The following CDIN1 variants were observed in gnomAD, a reference collection of about 807,000 sequenced individuals.
CDIN1 encodes the protein CDAN1 interacting nuclease 1.
Under a neutral mutation model 45.3 loss-of-function variants are expected in CDIN1, and 33 were observed. The observed-to-expected ratio is 0.73, with a 90% CI of 0.55 to 0.97. CDIN1 has a LOEUF of 0.97. CDIN1 is among the 50% of genes least tolerant of loss of function. The pLI is 0.00. For missense variants in CDIN1, 303 were observed against 339.4 expected, an observed-to-expected ratio of 0.89 and a Z score of 0.84; for synonymous variants, 118 against 124.4, an observed-to-expected ratio of 0.95 and a Z score of 0.34.
chr15:36,675,466 G>A (rs2140568518), intron 5 of CDIN1, among the ~76,000 whole-genome samples: 1 of 152,214 alleles, frequency 6.6e-6, no homozygotes, highest in South Asian at 2.1e-4. Context: ...TTGCTTCAGA[G>A]ACTAATTGCC....
chr15:36,728,677 A>T lies in CDIN1; in HGVS notation c.716+18716A>T, dbSNP rs191036775. 1.3e-3 allele frequency among the ~76,000 whole-genome samples: 197 copies of T among 150,994 alleles called. 1 individual carries two copies. The highest frequency in any genetic ancestry group is 3.5e-3 in the African/African-American group (144 of 41,146). ...AAATAAGCCTTAAAATGTGAAAAAA[A>T]TTTTTTTTTCTTCTTACGACGAAGT... On this transcript the variant is annotated intron_variant, in intron 10 of 10. Coordinates refer to ENST00000566621, the MANE Select transcript of CDIN1 (RefSeq NM_001321759.2).
chr15:36,631,898 C>G (rs2039694869), intron 1 of CDIN1, among the ~76,000 whole-genome samples: 1 of 152,160 alleles, frequency 6.6e-6, no homozygotes, highest in Admixed American at 6.5e-5. Context: ...TGGCACAGTT[C>G]TAGCTCACTG....
intron 1 of CDIN1, among the ~76,000 whole-genome samples, chr15:36,580,387 G>T (rs1299561637): frequency 6.6e-6 from 1 of 152,188 alleles, no homozygotes; most frequent in Non-Finnish European, 1.5e-5. Flanking sequence ...GGAGCATAGA[G>T]GTAAAGCGGC....
intron 10 of CDIN1, among the ~76,000 whole-genome samples, chr15:36,787,642 T>C (rs115608336): frequency 0.013 from 2,004 of 152,318 alleles, 25 homozygotes; most frequent in East Asian, 0.033. Context: ...GTTGTTCTTA[T>C]AGCACTATTG....
intron 10 of CDIN1, among the ~76,000 whole-genome samples, chr15:36,737,121 T>G (rs1595537262): frequency 6.6e-6 from 1 of 150,832 alleles, no homozygotes; most frequent in Admixed American, 6.6e-5. Context: ...TGAGCTGAGA[T>G]TGCACCACTG....
At chr15:36,728,814 T>C (rs1240358984) in intron 10 of CDIN1, among the ~76,000 whole-genome samples, 1 of 151,934 alleles carries the variant, frequency 6.6e-6, no homozygotes, top group African/African-American at 2.4e-5. Context: ...GCTGGGACTA[T>C]AGACGCGTGC....
chr15:36,680,652 T>C (rs1248931364), intron 5 of CDIN1, among the ~76,000 whole-genome samples: 4 of 152,082 alleles, frequency 2.6e-5, no homozygotes, highest in African/African-American at 7.2e-5. Context: ...GGGACAGATA[T>C]GCAACTAAGA....
At chr15:36,622,848 G>C (rs1410050148) in intron 1 of CDIN1, among the ~76,000 whole-genome samples, 2 of 152,208 alleles carry the variant, frequency 1.3e-5, no homozygotes, top group East Asian at 1.9e-4. Flanking sequence ...GCTGGTGTTT[G>C]TATCGGGGAG....
At chr15:36,718,129 CT>C (rs532550361) in intron 10 of CDIN1, among the ~76,000 whole-genome samples, 1 of 151,896 alleles carries the variant, frequency 6.6e-6, no homozygotes, top group Non-Finnish European at 1.5e-5. Flanking sequence ...TGAGAAGACT[CT>C]TTTTTCTCCA....
chr15:36,629,561 T>C (rs1379232401), intron 1 of CDIN1, among the ~76,000 whole-genome samples: 1 of 152,164 alleles, frequency 6.6e-6, no homozygotes, highest in Non-Finnish European at 1.5e-5. Flanking sequence ...ACATTGCTTG[T>C]TAGAGAAGTG....
At chr15:36,687,473 G>A (rs1048647500) in intron 5 of CDIN1, among the ~76,000 whole-genome samples, 2 of 152,192 alleles carry the variant, frequency 1.3e-5, no homozygotes, top group African/African-American at 2.4e-5. Context: ...AAAGAAAAGT[G>A]TTGCAGAAGT....
intron 10 of CDIN1, among the ~76,000 whole-genome samples, chr15:36,751,271 GA>G (rs2053464111): frequency 1.1e-5 from 1 of 94,088 alleles, no homozygotes. Flanking sequence ...GGCACTAATA[GA>G]GTTAAAAATA....
At chr15:36,643,336 C>T (rs547621857) in intron 1 of CDIN1, among the ~76,000 whole-genome samples, 1 of 151,726 alleles carries the variant, frequency 6.6e-6, no homozygotes, top group African/African-American at 2.4e-5. Context: ...CCCAAATTAC[C>T]TGTGATGAGC....
chr15:36,596,898 G>C (rs1356195298), intron 1 of CDIN1, among the ~76,000 whole-genome samples: 1 of 152,150 alleles, frequency 6.6e-6, no homozygotes, highest in Non-Finnish European at 1.5e-5. Context: ...TGTCAAAACA[G>C]TAATGTATTA....
chr15:36,623,338 A>T (rs987031185), intron 1 of CDIN1, among the ~76,000 whole-genome samples: 1 of 152,226 alleles, frequency 6.6e-6, no homozygotes, highest in Non-Finnish European at 1.5e-5. Flanking sequence ...GATCTTGAGC[A>T]TATTCTTACT....
intron 10 of CDIN1, chr15:36,755,869 TA>T: frequency 3.9e-6 from 1 of 258,564 alleles, no homozygotes; most frequent in Non-Finnish European, 7.7e-6. Context: ...AGAGCGAACT[TA>T]AGGGCGTTTT....
chr15:36,611,093 A>G (rs2038627297), intron 1 of CDIN1, among the ~76,000 whole-genome samples: 1 of 152,240 alleles, frequency 6.6e-6, no homozygotes, highest in African/African-American at 2.4e-5. Context: ...ATCATTTTTA[A>G]CAAGTTATTT....
intron 5 of CDIN1, among the ~76,000 whole-genome samples, chr15:36,663,030 C>T (rs1046642172): frequency 1.3e-5 from 2 of 151,908 alleles, no homozygotes; most frequent in African/African-American, 2.4e-5. Context: ...ATGATCCTGT[C>T]TGTGCCTTTA....
intron 1 of CDIN1, among the ~76,000 whole-genome samples, chr15:36,588,667 T>C (rs535896290): frequency 5.3e-5 from 8 of 152,278 alleles, no homozygotes; most frequent in African/African-American, 1.7e-4. Flanking sequence ...AGTGATCTTT[T>C]ACATTTTTTT....
Sources: gnomAD v4.1 joint callset for allele counts (sites outside exome capture counted in the v4.1 genomes callset) on GRCh38, gnomAD v4.1.1 for gene constraint, MANE v1.5 for transcripts, NCBI Gene and HGNC (gene_info 2026-07-23, HGNC 2026-07-21) for gene names.